NOTCH4: variants seen among roughly 807,000 people sequenced by gnomAD.
NOTCH4 encodes neurogenic locus notch homolog protein 4.
A neutral mutation model predicts 189.0 loss-of-function variants in NOTCH4; 138 were observed. The observed-to-expected ratio is 0.73, with a 90% CI of 0.64 to 0.84. The LOEUF is 0.84. Ranked by LOEUF, NOTCH4 falls within the 40% of genes least tolerant of loss-of-function variation. The pLI is 0.00. For synonymous variants in NOTCH4, 942 were observed against 1,032.8 expected, an observed-to-expected ratio of 0.91 and a Z score of 1.69; for missense variants, 2,286 against 2,605.4, an observed-to-expected ratio of 0.88 and a Z score of 2.67.
At position 32,195,509 on chromosome 6, in the gene NOTCH4, TGA is replaced by T. The variant is rs1296965396; in HGVS notation, c.5938_5939del (p.Ser1980ThrfsTer4). The T allele has an allele frequency of 6.2e-7, 1 of 1,613,028 alleles. No individual in the cohort carries two copies. The highest frequency in any genetic ancestry group is 1.1e-5 in the South Asian group (1 of 91,078). On this transcript the variant is annotated frameshift_variant, in exon 30 of 30. Coordinates refer to ENST00000375023, the MANE Select transcript of NOTCH4 (RefSeq NM_004557.4). LOFTEE classifies it low-confidence loss of function (END_TRUNC). The surrounding 1 kb of genome is among the most constrained non-coding windows in gnomAD (Gnocchi z 5.4). Reference sequence around the variant, plus strand: ...CTGGGGGACCACAGTCAAGTTGAGGTGATCCCCGCTCCGGGGACGGAGTAAGG... The same window carrying T: ...CTGGGGGACCACAGTCAAGTTGAGGTTCCCCGCTCCGGGGACGGAGTAAGG... ...PCLTPSPERG[S>X]PQLDCGPPAL... is the part of the protein sequence containing the mutation.
In NOTCH4 at chr6:32,200,045, A is replaced by G. The variant is rs957597556; in HGVS notation, c.4315+786T>C. On this transcript the variant is annotated intron_variant, in intron 23 of 29. Transcript: ENST00000375023. The surrounding 1 kb of genome is among the most constrained non-coding windows in gnomAD (Gnocchi z 5.0). ...ATGCTGAACCAGTAAGTATAATGCA[A>G]ATATTCCAAAATAAATCCGAAATCT... Among the ~76,000 whole-genome samples, 5 of 152,180 alleles carry G rather than the reference A, an allele frequency of 3.3e-5. No individual in the cohort carries two copies. Among genetic ancestry groups the G allele is most frequent in the Admixed American group, 6.5e-5 (1 of 15,276 alleles).
Position 32,220,395 on chromosome 6 carries a change from A to AC in NOTCH4, c.1159+9dup. The AC allele has an allele frequency of 6.2e-7, 1 of 1,613,340 alleles. No individual in the cohort carries two copies. The highest frequency in any genetic ancestry group is 8.5e-7 in the Non-Finnish European group (1 of 1,179,546). ...TACCTCCCACCTCCTGATACCCTCT[A>AC]CCCCCATACCTGTGCGTCCAGGTGG... On this transcript the variant is annotated intron_variant, in intron 6 of 29. Transcript: ENST00000375023.
In NOTCH4 at chr6:32,195,932, G is replaced by T. The variant is rs777490535; in HGVS notation, c.5517C>A (p.Pro1839=). 6.3e-7 allele frequency: 1 copy of T among 1,588,492 alleles called. No individual in the cohort carries two copies. The highest frequency in any genetic ancestry group is 8.5e-7 in the Non-Finnish European group (1 of 1,174,682). The change falls in exon 30 of 30, where the codon CCC becomes CCA. Residue 1839 remains proline, a synonymous_variant. Coordinates refer to ENST00000375023, the MANE Select transcript of NOTCH4 (RefSeq NM_004557.4). This position sits in a 1 kb window ranked among gnomAD's most constrained non-coding sequence, Gnocchi z 5.4. ...CTGACACCGTCCGTGCGCGCGGGAA[G>T]GGCCCAGCCTCGCGGCCCGGCGTGG... is the stretch of plus-strand genomic sequence containing the variant. ...HKATPGREAG[P]FPRARTVSVS...
chr6:32,199,476 G>A lies in NOTCH4; in HGVS notation c.4316-331C>T, dbSNP rs204988. ...TCTCAGCACTTTGGGAGGCTGAGGC[G>A]GGTGGATCATGAGGTCAGGAGATCG... On this transcript the variant is annotated intron_variant, in intron 23 of 29. Coordinates refer to ENST00000375023, the MANE Select transcript of NOTCH4 (RefSeq NM_004557.4). The surrounding 1 kb of genome is among the most constrained non-coding windows in gnomAD (Gnocchi z 4.9). 0.054 allele frequency among the ~76,000 whole-genome samples: 8,250 copies of A among 152,034 alleles called. 337 individuals carry two copies. The highest frequency in any genetic ancestry group is 0.11 in the African/African-American group (4,490 of 41,416).
Position 32,201,220 on chromosome 6 carries a change from G to A in NOTCH4, c.4036C>T (p.Arg1346Trp), listed in dbSNP as rs911402506. ...GTTCCTCCTAGCTTTTCTTCAGCCC[G>A]GGCCCCAGGATAGGGGTACACCATG... ...RDMVYPYPGARAEEKLGGTRD... is the reference protein window; with the variant it reads ...RDMVYPYPGAWAEEKLGGTRD... The change falls in exon 22 of 30, where the codon CGG becomes TGG. Residue 1346 changes from arginine to tryptophan, a missense_variant. Physicochemically the swap from Arg to Trp is moderately radical, Grantham distance 101 (BLOSUM62 -3). This residue lies in a region of NOTCH4 where 1,903 missense variants were observed against 2,261.9 expected (regional missense o/e 0.84). Coordinates refer to ENST00000375023, the MANE Select transcript of NOTCH4 (RefSeq NM_004557.4). This position sits in a 1 kb window ranked among gnomAD's most constrained non-coding sequence, Gnocchi z 5.5. The A allele has an allele frequency of 8.7e-6, 14 of 1,612,980 alleles. No homozygotes were observed. The highest frequency in any genetic ancestry group is 1.3e-5 in the African/African-American group (1 of 75,004).
chr6:32,217,353 A>G lies in NOTCH4; in HGVS notation c.1625-87T>C, dbSNP rs968991769. 2.4e-6 allele frequency: 2 copies of G among 822,100 alleles called. No homozygotes were observed. Among genetic ancestry groups the G allele is most frequent in the African/African-American group, 3.4e-5 (2 of 59,496 alleles). The allele number at this position is 822,100 out of a possible 1,614,324, so 50.9% of individuals were successfully genotyped here. On this transcript the variant is annotated intron_variant, in intron 9 of 29. Transcript: ENST00000375023. This position sits in a 1 kb window ranked among gnomAD's most constrained non-coding sequence, Gnocchi z 4.2. ...CGCCTTCCCTTGCCAGGAAAGGTGA[A>G]CTTGCAGAGCTTCCCAGAGAAGACA...
Position 32,195,514 on chromosome 6 carries a change from C to A in NOTCH4, c.5935G>T (p.Gly1979Ter), listed in dbSNP as rs968556568. The change falls in exon 30 of 30, where the codon GGA becomes TGA. Residue 1979 changes from glycine (G) to a stop codon, truncating the protein, a stop_gained. Coordinates refer to ENST00000375023, the MANE Select transcript of NOTCH4 (RefSeq NM_004557.4). LOFTEE classifies it low-confidence loss of function (END_TRUNC). The surrounding 1 kb of genome is among the most constrained non-coding windows in gnomAD (Gnocchi z 5.4). ...GGACCACAGTCAAGTTGAGGTGATC[C>A]CCGCTCCGGGGACGGAGTAAGGCAA... ...PPCLTPSPERGSPQLDCGPPA... is the reference protein window; with the variant it reads ...PPCLTPSPER The A allele has an allele frequency of 1.2e-6, 2 of 1,612,878 alleles. No homozygotes were observed. The highest frequency in any genetic ancestry group is 2.7e-5 in the African/African-American group (2 of 74,902).
Position 32,222,571 on chromosome 6 carries a change from C to T in NOTCH4, c.391G>A (p.Gly131Ser). The T allele has an allele frequency of 1.3e-6, 2 of 1,586,404 alleles. No homozygotes were observed. The highest frequency in any genetic ancestry group is 1.9e-5 in the Admixed American group (1 of 51,950). ...CCCGAGGCCTGGATGTGGCAGCGGC[C>T]CCTTTTGGAACAGAAGGAGGGAGGA... is the stretch of plus-strand genomic sequence containing the variant. Reference protein sequence around the residue: ...PCPPSFCSKRGRCHIQASGRP... With the variant: ...PCPPSFCSKRSRCHIQASGRP... The change falls in exon 3 of 30, where the codon GGC (glycine) becomes AGC (serine). Residue 131 changes from glycine (G) to serine (S), a missense_variant. This residue lies in a region of NOTCH4 where 1,903 missense variants were observed against 2,261.9 expected (regional missense o/e 0.84). Coordinates refer to ENST00000375023, the MANE Select transcript of NOTCH4 (RefSeq NM_004557.4).
intron 12 of NOTCH4, among the ~76,000 whole-genome samples, 162 bp downstream of exon 12, chr6:32,215,064 C>A (rs1789312257): frequency 1.3e-5 from 2 of 152,156 alleles, no homozygotes. Context: ...TAACACTTAC[C>A]AGTTGAGCCC....
chr6:32,221,083 C>G lies in NOTCH4; in HGVS notation c.694G>C (p.Glu232Gln). Residue 232 changes from glutamate to glutamine, a missense_variant, in exon 4 of 30, where the codon GAG becomes CAG. By Grantham distance (29) the Glu-to-Gln change is conservative. Around this residue, in one of 2 missense-constraint regions of NOTCH4, gnomAD observed 1,903 missense variants for 2,261.9 expected, o/e 0.84. Coordinates refer to ENST00000375023, the MANE Select transcript of NOTCH4 (RefSeq NM_004557.4). This position sits in a 1 kb window ranked among gnomAD's most constrained non-coding sequence, Gnocchi z 4.3. ...CPVGQEGPRCELRAGPCPPRG... is the reference protein window; with the variant it reads ...CPVGQEGPRCQLRAGPCPPRG... ...GGAGGGCAGGGTCCTGCCCGCAGCT[C>G]ACAACGTGGACCCTCCTGCCCCACA... is the stretch of plus-strand genomic sequence containing the variant. 1 of 1,613,144 alleles carries G rather than the reference C, an allele frequency of 6.2e-7. No homozygotes were observed. Among genetic ancestry groups the G allele is most frequent in the Non-Finnish European group, 8.5e-7 (1 of 1,179,976 alleles).
chr6:32,202,181 T>G lies in NOTCH4; in HGVS notation c.3650A>C (p.His1217Pro), dbSNP rs2127466873. The change falls in exon 21 of 30, where the codon CAC becomes CCC. Residue 1217 changes from histidine to proline, a missense_variant. By Grantham distance (77) the His-to-Pro change is moderately conservative. Transcript: ENST00000375023. The surrounding 1 kb of genome is among the most constrained non-coding windows in gnomAD (Gnocchi z 5.7). Reference sequence around the variant, plus strand: ...CCGGAAGAGAAGCCAGCACCGAGAGTGGGAGGGGCAGCCCTTCCAGGGGTC... The same window carrying G: ...CCGGAAGAGAAGCCAGCACCGAGAGGGGGAGGGGCAGCCCTTCCAGGGGTC... ...VPDPWKGCPS[H>P]SRCWLLFRDG... 8 of 1,485,664 alleles carry G rather than the reference T, an allele frequency of 5.4e-6. No homozygotes were observed. Among genetic ancestry groups the G allele is most frequent in the Admixed American group, 2.3e-5 (1 of 43,714 alleles). 92.0% of individuals were successfully genotyped at this position (1,485,664 alleles called of 1,614,324 possible).
At position 32,202,455 on chromosome 6, in the gene NOTCH4, G is replaced by A. The variant is rs992410621; in HGVS notation, c.3376C>T (p.Leu1126=). 1 of 1,612,436 alleles carries A rather than the reference G, an allele frequency of 6.2e-7. No homozygotes were observed. Among genetic ancestry groups the A allele is most frequent in the Admixed American group, 1.7e-5 (1 of 59,928 alleles). ...CAGCCTTTAGGAGCTGGTGGGGTCA[G>A]GCAGTCAGGACCCCCATAGCCACTG... ...CLSGYGGPDC[L]TPPAPKGCGP... is the part of the protein sequence containing the mutation. Residue 1126 remains leucine (L), a synonymous_variant, in exon 21 of 30, where the codon CTG becomes TTG. Coordinates refer to ENST00000375023, the MANE Select transcript of NOTCH4 (RefSeq NM_004557.4). The surrounding 1 kb of genome is among the most constrained non-coding windows in gnomAD (Gnocchi z 5.7).
rs368184072 is a variant in NOTCH4, at chr6:32,215,296, A to G, written c.1951T>C (p.Cys651Arg). The change falls in exon 12 of 30, where the codon TGT becomes CGT. Residue 651 changes from cysteine to arginine, a missense_variant. Transcript: ENST00000375023. ...KDQKDKANCL[C>R]PDGSPGCAPP... is the part of the protein sequence containing the mutation. ...GCACAGCCAGGGCTTCCATCAGGAC[A>G]GAGGCAGTTGGCCTTGTCTTTCTGG... 1.1e-5 allele frequency: 17 copies of G among 1,607,906 alleles called. No individual in the cohort carries two copies. The highest frequency in any genetic ancestry group is 1.4e-5 in the Non-Finnish European group (17 of 1,178,252).
At chr6:32,197,183 C>G in intron 27 of NOTCH4, 111 bp from the exon 28 acceptor site, 2 of 1,518,590 alleles carry the variant, frequency 1.3e-6, no homozygotes, top group Non-Finnish European at 1.8e-6. Flanking sequence ...CCGCAGTTTC[C>G]CTGTCAGGTT....
At chr6:32,206,852 T>C (rs1468248970) in intron 18 of NOTCH4, among the ~76,000 whole-genome samples, 1 of 151,750 alleles carries the variant, frequency 6.6e-6, no homozygotes, top group Non-Finnish European at 1.5e-5. Context: ...AACAGACACA[T>C]AGACCAATGG....
chr6:32,196,399 A>T lies in NOTCH4; in HGVS notation c.5223T>A (p.Ala1741=). 6.2e-7 allele frequency: 1 copy of T among 1,613,130 alleles called. No homozygotes were observed. The highest frequency in any genetic ancestry group is 8.5e-7 in the Non-Finnish European group (1 of 1,180,038). ...CGGCTCGGGCGTTGTTCACGGCAGC[A>T]GCCCAGTGCAGCGCAGTTTTCCCTA... is the stretch of plus-strand genomic sequence containing the variant. The part of the protein sequence containing the change: ...DKWGKTALHW[A]AAVNNARAAR... The change falls in exon 29 of 30, where the codon GCT becomes GCA. Residue 1741 remains alanine (A), a synonymous_variant. Transcript: ENST00000375023.
Position 32,217,002 on chromosome 6 carries a change from C to T in NOTCH4, c.1804G>A (p.Ala602Thr). 1 of 1,613,122 alleles carries T rather than the reference C, an allele frequency of 6.2e-7. No homozygotes were observed. The highest frequency in any genetic ancestry group is 8.5e-7 in the Non-Finnish European group (1 of 1,180,038). Residue 602 changes from alanine (A) to threonine (T), a missense_variant, in exon 11 of 30, where the codon GCC becomes ACC. Physicochemically the swap from Ala to Thr is moderately conservative, Grantham distance 58 (BLOSUM62 0). This residue lies in a region of NOTCH4 where 1,903 missense variants were observed against 2,261.9 expected (regional missense o/e 0.84). Coordinates refer to ENST00000375023, the MANE Select transcript of NOTCH4 (RefSeq NM_004557.4). The surrounding 1 kb of genome is among the most constrained non-coding windows in gnomAD (Gnocchi z 4.2). The part of the protein sequence containing the change: ...ECLSDPCPVG[A>T]SCLDLPGAFF... ...GCTCCTGGAAGATCAAGGCAGCTGGCTCCAACGGGACATGGGTCACTCAGG... is the reference window on the plus strand; with the variant it reads ...GCTCCTGGAAGATCAAGGCAGCTGGTTCCAACGGGACATGGGTCACTCAGG...
chr6:32,198,769 T>C lies in NOTCH4; in HGVS notation c.4536-39A>G, dbSNP rs759023119. On this transcript the variant is annotated intron_variant, in intron 24 of 29. Coordinates refer to ENST00000375023, the MANE Select transcript of NOTCH4 (RefSeq NM_004557.4). This position sits in a 1 kb window ranked among gnomAD's most constrained non-coding sequence, Gnocchi z 5.5. Reference sequence around the variant, plus strand: ...GGTGGGTAGAGGTTACACGGAATTATGACCATCAGGGTCTCCAAAATTTCC... The same window carrying C: ...GGTGGGTAGAGGTTACACGGAATTACGACCATCAGGGTCTCCAAAATTTCC... 8.3e-6 allele frequency: 13 copies of C among 1,574,074 alleles called. No individual in the cohort carries two copies. Among genetic ancestry groups the C allele is most frequent in the Non-Finnish European group, 1.1e-5 (13 of 1,161,942 alleles).
intron 12 of NOTCH4, 34 bp downstream of exon 12, chr6:32,215,192 A>C: frequency 1.3e-6 from 2 of 1,545,120 alleles, no homozygotes; most frequent in South Asian, 2.5e-5. Flanking sequence ...AGCCCAAAGG[A>C]GGGGGCAGAT....
Sources: allele counts gnomAD v4.1 joint callset (sites outside exome capture counted in the v4.1 genomes callset), GRCh38; gene constraint gnomAD v4.1.1; regional missense constraint gnomAD v4.1.1; non-coding constraint Gnocchi (gnomAD v3.1); transcripts MANE v1.5; gene names NCBI Gene and HGNC (gene_info 2026-07-23, HGNC 2026-07-21).